AGK: variants seen among roughly 807,000 people sequenced by gnomAD.
AGK encodes the protein acylglycerol kinase, also known as acylglycerol kinase, mitochondrial.
Under a neutral mutation model 66.4 loss-of-function variants are expected in AGK, and 52 were observed. The ratio of observed to expected loss-of-function variants is 0.78; its 90% CI spans 0.63 to 0.99. The LOEUF is 0.99. Among genes scored for constraint, AGK ranks in the 50% least tolerant of loss-of-function variants. The pLI, the probability that AGK is intolerant of heterozygous loss-of-function variation, is 0.00. For synonymous variants in AGK, 182 were observed against 181.1 expected, an observed-to-expected ratio of 1.00 and a Z score of -0.04; for missense variants, 451 against 506.6, an observed-to-expected ratio of 0.89 and a Z score of 1.05.
chr7:141,615,254 T>A (rs1009443648), intron 7 of AGK, among the ~76,000 whole-genome samples: 1 of 152,206 alleles, frequency 6.6e-6, no homozygotes, highest in African/African-American at 2.4e-5. Flanking sequence ...TACTAAAATA[T>A]TTCTTCCAAA....
At chr7:141,588,674 G>A (rs1206894927) in intron 2 of AGK, among the ~76,000 whole-genome samples, 1 of 152,010 alleles carries the variant, frequency 6.6e-6, no homozygotes, top group Non-Finnish European at 1.5e-5. Flanking sequence ...AGGCAGAGCA[G>A]CAGCATGGAC....
rs1286817458 is a variant in AGK at position 141,636,960 on chromosome 7, G to A, written c.669G>A (p.Lys223=). The stretch of plus-strand genomic sequence containing the variant: ...GATTTTTATCTTGGTCTTTTCACAG[G>A]TACTGGTATCTTGGGCCTCTAAAAA... The part of the protein sequence containing the change: ...SFRDAGVKVS[K]YWYLGPLKIK... Residue 223 remains lysine, a splice_region_variant and synonymous_variant, in exon 11 of 16, where the codon AAG becomes AAA. Coordinates refer to ENST00000649286, the MANE Select transcript of AGK (RefSeq NM_018238.4). The A allele has an allele frequency of 2.5e-6, 4 of 1,611,458 alleles. No individual in the cohort carries two copies. Among genetic ancestry groups the A allele is most frequent in the Admixed American group, 1.7e-5 (1 of 59,888 alleles).
intron 2 of AGK, among the ~76,000 whole-genome samples, chr7:141,577,729 G>A (rs146027548): frequency 3.9e-5 from 6 of 152,112 alleles, no homozygotes; most frequent in South Asian, 2.1e-4. Context: ...TGCACAGGCC[G>A]GTTGGGGTTT....
At chr7:141,568,430 C>A (rs1463568324) in intron 2 of AGK, among the ~76,000 whole-genome samples, 1 of 152,150 alleles carries the variant, frequency 6.6e-6, no homozygotes, top group Non-Finnish European at 1.5e-5. Flanking sequence ...CAACTAACTC[C>A]CTTGGCTGAG....
At chr7:141,560,877 A>G (rs1454310356) in intron 2 of AGK, among the ~76,000 whole-genome samples, 1 of 149,744 alleles carries the variant, frequency 6.7e-6, no homozygotes, top group Non-Finnish European at 1.5e-5. Flanking sequence ...GCTCACTGCA[A>G]GCTCCGCCTC....
chr7:141,584,145 G>A (rs189601427), intron 2 of AGK, among the ~76,000 whole-genome samples: 3 of 152,250 alleles, frequency 2.0e-5, no homozygotes, highest in African/African-American at 7.2e-5. Context: ...AAGAGAGTCA[G>A]CGAAGGGAGA....
chr7:141,587,659 A>G (rs539817125), intron 2 of AGK, among the ~76,000 whole-genome samples: 1 of 152,126 alleles, frequency 6.6e-6, no homozygotes, highest in Admixed American at 6.5e-5. Flanking sequence ...TTTCCCCTAG[A>G]TCTCAGCTTC....
At chr7:141,596,951 T>C (rs1196727762) in intron 4 of AGK, 1 of 258,834 alleles carries the variant, frequency 3.9e-6, no homozygotes, top group Non-Finnish European at 7.4e-6. Context: ...CGTAAATCCT[T>C]AGGCCATCTC....
At position 141,614,156 on chromosome 7, in the gene AGK, G is replaced by T; in HGVS notation, c.401G>T (p.Gly134Val). 6.5e-7 allele frequency: 1 copy of T among 1,536,282 alleles called. No individual in the cohort carries two copies. Among genetic ancestry groups the T allele is most frequent in the Non-Finnish European group, 8.9e-7 (1 of 1,128,718 alleles). Reference protein sequence around the residue: ...GDGTLQEVVTGVLRRTDEATF... With the variant: ...GDGTLQEVVTVVLRRTDEATF... The stretch of plus-strand genomic sequence containing the variant: ...TTATTACATTTGTAGGTTGTTACTG[G>T]TGTTCTTCGACGAACAGATGAGGTG... Residue 134 changes from glycine (G) to valine (V), a missense_variant, in exon 7 of 16, where the codon GGT (glycine) becomes GTT (valine). Transcript: ENST00000649286.
At chr7:141,609,514 T>G (rs1796534407) in intron 5 of AGK, among the ~76,000 whole-genome samples, 1 of 152,244 alleles carries the variant, frequency 6.6e-6, no homozygotes, top group Admixed American at 6.5e-5. Context: ...GGCAGAGGGA[T>G]TGGCATAGAG....
At chr7:141,560,448 T>C (rs891057187) in intron 2 of AGK, among the ~76,000 whole-genome samples, 1 of 152,052 alleles carries the variant, frequency 6.6e-6, no homozygotes, top group Admixed American at 6.6e-5. Flanking sequence ...CATTTTATTA[T>C]TATGGTTTTT....
intron 4 of AGK, 46 bp downstream of exon 4, chr7:141,596,687 G>C (rs1419378437): frequency 1.3e-6 from 2 of 1,539,072 alleles, no homozygotes; most frequent in Non-Finnish European, 1.8e-6. Flanking sequence ...TTCTAAGGGG[G>C]AAAGAAATCA....
chr7:141,651,685 C>A, intron 15 of AGK, 76 bp downstream of exon 15: 1 of 1,360,096 alleles, frequency 7.4e-7, no homozygotes, highest in Non-Finnish European at 1.1e-6. Flanking sequence ...GTGTCCCATC[C>A]TTCCTCTCTG....
chr7:141,601,325 C>T, intron 5 of AGK, 45 bp downstream of exon 5: 2 of 1,475,630 alleles, frequency 1.4e-6, no homozygotes, highest in Non-Finnish European at 1.9e-6. Flanking sequence ...GCAGCTGCCT[C>T]TTATAACAAC....
chr7:141,636,724 A>G (rs1269602967), intron 10 of AGK, among the ~76,000 whole-genome samples: 1 of 152,234 alleles, frequency 6.6e-6, no homozygotes, highest in Non-Finnish European at 1.5e-5. Context: ...TATATCTCTC[A>G]TAAATTGCAA....
Position 141,641,894 on chromosome 7 carries a change from C to G in AGK, c.961C>G (p.Gln321Glu). The G allele has an allele frequency of 6.3e-7, 1 of 1,578,506 alleles. No homozygotes were observed. The highest frequency in any genetic ancestry group is 8.6e-7 in the Non-Finnish European group (1 of 1,161,208). Reference protein sequence around the residue: ...IELSITTRNNQLDPTSKEDFL... With the variant: ...IELSITTRNNELDPTSKEDFL... ...ACTGTCCATCACAACACGGAATAATCAGCTTGACCCGACAGTAAGTGTGCT... is the reference window on the plus strand; with the variant it reads ...ACTGTCCATCACAACACGGAATAATGAGCTTGACCCGACAGTAAGTGTGCT... Residue 321 changes from glutamine to glutamate, a missense_variant, in exon 13 of 16, where the codon CAG (glutamine) becomes GAG (glutamate). Coordinates refer to ENST00000649286, the MANE Select transcript of AGK (RefSeq NM_018238.4).
Position 141,555,036 on chromosome 7 carries a change from T to TAA in AGK, c.-14-416_-14-415insAA, listed in dbSNP as rs1364665064. On this transcript the variant is annotated intron_variant, in intron 1 of 15. Transcript: ENST00000649286. This position sits in a 1 kb window ranked among gnomAD's most constrained non-coding sequence, Gnocchi z 4.2. ...TCATATTATTATTTTTTGGGACACT[T>TAA]ACATTATGATGGATAGACAAATGTA... 1.3e-5 allele frequency among the ~76,000 whole-genome samples: 2 copies of TAA among 151,714 alleles called. No individual in the cohort carries two copies. Among genetic ancestry groups the TAA allele is most frequent in the Non-Finnish European group, 2.9e-5 (2 of 68,038 alleles).
rs551700157 is a variant in AGK at position 141,589,646 on chromosome 7, C to T, written c.102-3500C>T. ...CGCGTTCTCGGCTCATTGCAACCTC[C>T]GCCTCCTGGCTTCAAGCGATTCTCC... On this transcript the variant is annotated intron_variant, in intron 2 of 15. Coordinates refer to ENST00000649286, the MANE Select transcript of AGK (RefSeq NM_018238.4). Among the ~76,000 whole-genome samples the T allele has an allele frequency of 7.2e-5, 11 of 152,116 alleles. No homozygotes were observed. In the East Asian group the frequency reaches 1.2e-3, roughly 16 times the overall value.
chr7:141,623,401 A>G (rs1796867766), intron 9 of AGK, among the ~76,000 whole-genome samples: 2 of 151,636 alleles, frequency 1.3e-5, no homozygotes, highest in African/African-American at 4.8e-5. Flanking sequence ...AAGAAAAAAA[A>G]AAGAAAGAAA....
Sources: allele counts gnomAD v4.1 joint callset (sites outside exome capture counted in the v4.1 genomes callset), GRCh38; gene constraint gnomAD v4.1.1; non-coding constraint Gnocchi (gnomAD v3.1); transcripts MANE v1.5; gene names NCBI Gene and HGNC (gene_info 2026-07-23, HGNC 2026-07-21).